Variants in CSMD1 observed in about 807,000 individuals in gnomAD.
The protein encoded by CSMD1 is CUB and Sushi multiple domains 1.
A neutral mutation model predicts 417.5 loss-of-function variants in CSMD1; 213 were observed. The ratio of observed to expected loss-of-function variants is 0.51; its 90% confidence interval spans 0.46 to 0.57. The LOEUF is 0.57. Ranked by LOEUF, CSMD1 falls within the 20% of genes least tolerant of loss-of-function variation. The pLI is 0.00. For synonymous variants in CSMD1, 2,862 were observed against 1,736.8 expected (o/e 1.65, Z -16.11); for missense variants, 6,923 against 4,529.7 (o/e 1.53, Z -15.17).
intron 3 of CSMD1, among the ~76,000 whole-genome samples, chr8:4,127,122 A>T (rs1802810754): frequency 6.6e-6 from 1 of 152,076 alleles, no homozygotes; most frequent in Non-Finnish European, 1.5e-5. Context: ...CACCCAGAGA[A>T]ATGCTTCTCT....
At chr8:4,276,905 T>G (rs1439609840) in intron 3 of CSMD1, among the ~76,000 whole-genome samples, 1 of 152,154 alleles carries the variant, frequency 6.6e-6, no homozygotes, top group East Asian at 1.9e-4. Context: ...AAATATGTAA[T>G]AGAGTACTGG....
chr8:3,908,919 T>C (rs1808281403), intron 5 of CSMD1, among the ~76,000 whole-genome samples: 1 of 152,216 alleles, frequency 6.6e-6, no homozygotes, highest in Non-Finnish European at 1.5e-5. Flanking sequence ...GCATCTATCT[T>C]GCTTTGCAAG....
intron 3 of CSMD1, among the ~76,000 whole-genome samples, chr8:4,415,157 A>G (rs1796863014): frequency 6.6e-6 from 1 of 152,068 alleles, no homozygotes; most frequent in Non-Finnish European, 1.5e-5. Flanking sequence ...ATAGGGCAGA[A>G]AGGCTCAGCT....
chr8:4,174,421 G>C (rs776586141), intron 3 of CSMD1, among the ~76,000 whole-genome samples: 1 of 151,912 alleles, frequency 6.6e-6, no homozygotes, highest in African/African-American at 2.4e-5. Context: ...GCACTTCACC[G>C]TGTATGTAAT....
intron 26 of CSMD1, among the ~76,000 whole-genome samples, chr8:3,263,788 T>G (rs982038913): frequency 2.5e-4 from 38 of 152,318 alleles, no homozygotes; most frequent in African/African-American, 8.2e-4. Context: ...TTGTGACTTC[T>G]CTGACACAAA....
chr8:4,987,067 T>G (rs1487956587), intron 1 of CSMD1, among the ~76,000 whole-genome samples: 1 of 152,192 alleles, frequency 6.6e-6, no homozygotes, highest in Admixed American at 6.5e-5. Context: ...ATCTCAAAGT[T>G]AGAAGCCATA....
intron 5 of CSMD1, among the ~76,000 whole-genome samples, chr8:3,877,041 T>G (rs1260446899): frequency 6.6e-6 from 1 of 152,158 alleles, no homozygotes; most frequent in Non-Finnish European, 1.5e-5. Flanking sequence ...TCGTATAGTG[T>G]TTTTTTGCCT....
intron 51 of CSMD1, among the ~76,000 whole-genome samples, chr8:3,027,002 A>C (rs1370734540): frequency 6.6e-6 from 1 of 152,154 alleles, no homozygotes; most frequent in Non-Finnish European, 1.5e-5. Context: ...AATTTTAGCC[A>C]GCATCCCAAT....
At chr8:2,990,941 G>A (rs143063035) in intron 54 of CSMD1, among the ~76,000 whole-genome samples, 11 of 152,290 alleles carry the variant, frequency 7.2e-5, no homozygotes, top group Non-Finnish European at 1.3e-4. Flanking sequence ...TTCATTCACC[G>A]CCTTTCCCAC....
intron 1 of CSMD1, among the ~76,000 whole-genome samples, chr8:4,844,421 C>A (rs924968564): frequency 2.6e-5 from 4 of 152,112 alleles, no homozygotes; most frequent in Non-Finnish European, 5.9e-5. Context: ...ACAGCTTTCA[C>A]CCACTCCTTT....
intron 5 of CSMD1, among the ~76,000 whole-genome samples, chr8:3,993,908 T>G (rs570997443): frequency 3.9e-5 from 6 of 152,238 alleles, no homozygotes; most frequent in Admixed American, 1.3e-4. Flanking sequence ...GATTTCCACG[T>G]GGAAACGTGC....
At chr8:4,066,578 T>A (rs1410569143) in intron 3 of CSMD1, among the ~76,000 whole-genome samples, 2 of 152,224 alleles carry the variant, frequency 1.3e-5, no homozygotes, top group African/African-American at 4.8e-5. Context: ...ATGTGGTAAT[T>A]GTAGTTCACG....
At chr8:4,048,571 G>A (rs1388098303) in intron 3 of CSMD1, among the ~76,000 whole-genome samples, 1 of 152,204 alleles carries the variant, frequency 6.6e-6, no homozygotes, top group South Asian at 2.1e-4. Flanking sequence ...TTTGACCTGA[G>A]GTGGTGTGGC....
intron 1 of CSMD1, among the ~76,000 whole-genome samples, chr8:4,811,460 T>C (rs1036231050): frequency 1.6e-4 from 25 of 152,160 alleles, no homozygotes; most frequent in Non-Finnish European, 7.4e-5. Context: ...TCTAGAAGAA[T>C]ACAACTTCAA....
chr8:4,143,702 A>G (rs1050835461), intron 3 of CSMD1, among the ~76,000 whole-genome samples: 1 of 151,056 alleles, frequency 6.6e-6, no homozygotes, highest in Non-Finnish European at 1.5e-5. Flanking sequence ...AAGATACACA[A>G]AGTAACAAAG....
intron 26 of CSMD1, among the ~76,000 whole-genome samples, chr8:3,263,301 G>T (rs1238311863): frequency 6.6e-6 from 1 of 152,138 alleles, no homozygotes; most frequent in Non-Finnish European, 1.5e-5. Flanking sequence ...GTTTCACCAT[G>T]TTGGCCAGGC....
intron 41 of CSMD1, among the ~76,000 whole-genome samples, chr8:3,131,481 T>G (rs1817789593): frequency 6.6e-6 from 1 of 150,680 alleles, no homozygotes; most frequent in African/African-American, 2.4e-5. Context: ...ATTTTTTTTT[T>G]TTTTTTTTGA....
intron 3 of CSMD1, among the ~76,000 whole-genome samples, chr8:4,055,276 G>A (rs2552156): frequency 0.9 from 137,503 of 152,192 alleles, 62,318 homozygotes; most frequent in East Asian, 0.99. Flanking sequence ...AACAATTTTT[G>A]TATTATTGTT....
At chr8:3,437,980 A>T (rs935890760) in intron 12 of CSMD1, among the ~76,000 whole-genome samples, 4 of 152,070 alleles carry the variant, frequency 2.6e-5, no homozygotes, top group Admixed American at 2.6e-4. Flanking sequence ...ACCTCAGATG[A>T]TCCGCTCACC....
Sources: gnomAD v4.1 joint callset for allele counts (sites outside exome capture counted in the v4.1 genomes callset) on GRCh38, gnomAD v4.1.1 for gene constraint, MANE v1.5 for transcripts, NCBI Gene and HGNC (gene_info 2026-07-23, HGNC 2026-07-21) for gene names.